The following RNASEH2B variants were observed in gnomAD, a reference collection of about 807,000 sequenced individuals.
RNASEH2B encodes the protein ribonuclease H2 subunit B.
A neutral mutation model predicts 45.0 loss-of-function variants in RNASEH2B; 36 were observed. That is an observed-to-expected ratio of 0.80 (90% confidence interval 0.61 to 1.06). The LOEUF (loss-of-function observed/expected upper bound fraction) is 1.06. RNASEH2B is among the 50% of genes least tolerant of loss of function. RNASEH2B has a pLI of 0.00. For missense variants in RNASEH2B, 361 were observed against 360.3 expected (o/e 1.00, Z -0.02); for synonymous variants, 119 against 125.7 (o/e 0.95, Z 0.35).
At chr13:50,952,037 G>T (rs1951982724) in intron 9 of RNASEH2B, 1 of 152,086 alleles carries the variant, frequency 6.6e-6, no homozygotes, top group Non-Finnish European at 1.5e-5. Flanking sequence ...GCACACACTT[G>T]TAGTCTTAGC....
In RNASEH2B at chr13:50,910,098, G is replaced by T. The variant is rs1288796534; in HGVS notation, c.22G>T (p.Gly8Trp). The T allele has an allele frequency of 2.1e-6, 3 of 1,463,288 alleles. No homozygotes were observed. The highest frequency in any genetic ancestry group is 2.7e-6 in the Non-Finnish European group (3 of 1,110,694). 90.6% of individuals were successfully genotyped at this position (1,463,288 alleles called of 1,614,324 possible). A position where few individuals can be genotyped will look rare whatever the true frequency, so the allele number is the denominator to read the frequency against. The part of the protein sequence containing the change: MAAGVDC[G>W]DGVGARQHVF... ...CGGCATGGCCGCTGGCGTGGACTGC[G>T]GGGACGGGGTTGGCGCCCGGCAGCA... Residue 8 changes from glycine (G) to tryptophan (W), a missense_variant, in exon 1 of 11, where the codon GGG becomes TGG. Physicochemically the swap from Gly to Trp is radical, Grantham distance 184. Transcript: ENST00000336617.
At chr13:50,937,037 T>C (rs1331239914) in intron 5 of RNASEH2B, 1 of 152,166 alleles carries the variant, frequency 6.6e-6, no homozygotes, top group Non-Finnish European at 1.5e-5. Flanking sequence ...TTTTTCTTTA[T>C]TTTTAAGTGA....
intron 9 of RNASEH2B, among the ~76,000 whole-genome samples, chr13:50,964,755 T>A (rs990894081): frequency 6.6e-6 from 1 of 152,240 alleles, no homozygotes; most frequent in Admixed American, 6.5e-5. Context: ...TTAAAGTGCC[T>A]AAGCTGTTTT....
In RNASEH2B at chr13:50,934,962, A is replaced by C; in HGVS notation, c.399A>C (p.Gly133=). Residue 133 remains glycine, a synonymous_variant, in exon 5 of 11, where the codon GGA becomes GGC. Coordinates refer to ENST00000336617, the MANE Select transcript of RNASEH2B (RefSeq NM_024570.4). ...PNCILLLKLP[G]LEKLLHHVTE... is the part of the protein sequence containing the mutation. Reference sequence around the variant, plus strand: ...GCATCTTGTTGCTGAAACTTCCTGGACTTGAGAAGTTACTTCATCATGTGA... The same window carrying C: ...GCATCTTGTTGCTGAAACTTCCTGGCCTTGAGAAGTTACTTCATCATGTGA... The C allele has an allele frequency of 6.2e-7, 1 of 1,613,592 alleles. No homozygotes were observed. Among genetic ancestry groups the C allele is most frequent in the Non-Finnish European group, 8.5e-7 (1 of 1,179,532 alleles).
At chr13:50,934,652 G>A in intron 4 of RNASEH2B, 2 of 553,408 alleles carry the variant, frequency 3.6e-6, no homozygotes, top group East Asian at 3.1e-5. Context: ...TTTGGGGACT[G>A]TACACCCAAG....
chr13:50,956,213 C>G (rs1463884592), intron 10 of RNASEH2B, 145 bp from the exon 11 acceptor site: 2 of 668,324 alleles, frequency 3.0e-6, no homozygotes, highest in Admixed American at 2.9e-5. Flanking sequence ...GAAATCAGAA[C>G]TTTTTCACTC....
intron 5 of RNASEH2B, chr13:50,942,694 T>C (rs1359014408): frequency 1.3e-5 from 2 of 152,368 alleles, no homozygotes. Flanking sequence ...TTTACCAAAG[T>C]TAAAGATGCA....
At position 50,948,049 on chromosome 13, in the gene RNASEH2B, G is replaced by A. The variant is rs775757158; in HGVS notation, c.679G>A (p.Asp227Asn). 1.2e-6 allele frequency: 2 copies of A among 1,611,042 alleles called. No homozygotes were observed. Among genetic ancestry groups the A allele is most frequent in the South Asian group, 1.1e-5 (1 of 91,014 alleles). ...CTACATCCCTAAAGAATTAAGTGAT[G>A]ACTTATCTAAATACTTAAAGTGAGT... ...SDYIPKELSD[D>N]LSKYLKLPEP... The change falls in exon 8 of 11, where the codon GAC (aspartate) becomes AAC (asparagine). Residue 227 changes from aspartate (D) to asparagine (N), a missense_variant. Physicochemically the swap from Asp to Asn is conservative, Grantham distance 23 (BLOSUM62 1). Coordinates refer to ENST00000336617, the MANE Select transcript of RNASEH2B (RefSeq NM_024570.4).
At chr13:50,944,059 TGGGAC>T (rs1215087955) in intron 6 of RNASEH2B, among the ~76,000 whole-genome samples, 1 of 113,870 alleles carries the variant, frequency 8.8e-6, no homozygotes, top group Non-Finnish European at 1.8e-5. Context: ...CGGGATGGGA[TGGGAC>T]GGGATGGGAT....
Position 50,956,366 on chromosome 13 carries a change from C to CA in RNASEH2B, c.835dup (p.Met279AsnfsTer10). 6.3e-7 allele frequency: 1 copy of CA among 1,597,266 alleles called. No individual in the cohort carries two copies. ...CTTATTTTCATTAACAGAAAAATAG[C>CA]AAAATGACTGCAGCTCAGAAGGCTT... On this transcript the variant is annotated frameshift_variant, in exon 11 of 11. Transcript: ENST00000336617. LOFTEE classifies it high-confidence loss of function.
intron 1 of RNASEH2B, among the ~76,000 whole-genome samples, chr13:50,913,412 T>C (rs1247269690): frequency 1.3e-5 from 2 of 152,106 alleles, no homozygotes; most frequent in Non-Finnish European, 1.5e-5. Flanking sequence ...CTGCATTTAT[T>C]GCTGTTGGGG....
intron 1 of RNASEH2B, among the ~76,000 whole-genome samples, chr13:50,917,205 G>T (rs1041071656): frequency 7.2e-5 from 11 of 152,198 alleles, no homozygotes; most frequent in Non-Finnish European, 1.3e-4. Flanking sequence ...GGCACTTGAG[G>T]CTAAAGAGTG....
intron 9 of RNASEH2B, chr13:50,952,115 C>T (rs1199251135): frequency 6.6e-6 from 1 of 152,032 alleles, no homozygotes; most frequent in African/African-American, 2.4e-5. Context: ...ATGATGATCG[C>T]AACTATGAAT....
At chr13:50,934,716 G>T (rs1951723804) in intron 4 of RNASEH2B, 169 bp from the exon 5 acceptor site, 1 of 641,302 alleles carries the variant, frequency 1.6e-6, no homozygotes, top group East Asian at 2.8e-5. Context: ...CCTGAAGGGA[G>T]CTGGGGTCCG....
intron 9 of RNASEH2B, chr13:50,953,214 G>A (rs1203920654): frequency 6.6e-6 from 1 of 152,332 alleles, no homozygotes; most frequent in African/African-American, 2.4e-5. Context: ...GATCATTAAG[G>A]CCTTGACAAG....
chr13:50,960,079 G>GACC, downstream of RNASEH2B: 2 of 599,518 alleles, frequency 3.3e-6, no homozygotes. Context: ...ATAGGTTCTA[G>GACC]ACATATCTTT....
At chr13:50,920,152 C>A (rs1284001237) in intron 1 of RNASEH2B, among the ~76,000 whole-genome samples, 1 of 152,158 alleles carries the variant, frequency 6.6e-6, no homozygotes, top group African/African-American at 2.4e-5. Context: ...TCAAGCGATT[C>A]TCATGCCTCA....
At chr13:50,937,604 A>C (rs756866632) in intron 5 of RNASEH2B, 15 of 152,200 alleles carry the variant, frequency 9.9e-5, no homozygotes, top group Non-Finnish European at 2.2e-4. Context: ...TTGGAAAATC[A>C]AATATCTAAA....
intron 1 of RNASEH2B, among the ~76,000 whole-genome samples, chr13:50,917,962 T>TA (rs1879837586): frequency 6.6e-6 from 1 of 152,104 alleles, no homozygotes. Flanking sequence ...TCCATCTCAG[T>TA]ATGTTTGCTG....
Sources: gnomAD v4.1 joint callset for allele counts (sites outside exome capture counted in the v4.1 genomes callset) on GRCh38, gnomAD v4.1.1 for gene constraint, MANE v1.5 for transcripts, NCBI Gene and HGNC (gene_info 2026-07-23, HGNC 2026-07-21) for gene names.